The following SPOCK1 variants were observed in gnomAD, a reference collection of about 807,000 sequenced individuals.
The protein encoded by SPOCK1 is SPARC (osteonectin), cwcv and kazal like domains proteoglycan 1.
Under a neutral mutation model 55.3 loss-of-function variants are expected in SPOCK1, and 23 were observed. That is an observed-to-expected ratio of 0.42 (90% CI 0.30 to 0.59). SPOCK1 has a LOEUF of 0.59. SPOCK1 is among the 20% of genes least tolerant of loss of function. The pLI is 0.22. For missense variants in SPOCK1, 499 were observed against 552.5 expected (o/e 0.90, Z 0.97); for synonymous variants, 226 against 221.0 (o/e 1.02, Z -0.20).
intron 7 of SPOCK1, 113 bp from the exon 8 acceptor site, chr5:136,988,756 G>A (rs528795334): frequency 2.2e-6 from 2 of 891,482 alleles, no homozygotes; most frequent in South Asian, 2.1e-5. Context: ...CTCCCTTCCT[G>A]AGGCTGTTTC....
chr5:137,105,879 T>A (rs1256013257), intron 5 of SPOCK1, among the ~76,000 whole-genome samples: 1 of 151,178 alleles, frequency 6.6e-6, no homozygotes, highest in African/African-American at 2.4e-5. Flanking sequence ...GGGAGGGGAG[T>A]GACAGCAGAC....
At chr5:137,363,530 C>T (rs1023519355) in intron 2 of SPOCK1, among the ~76,000 whole-genome samples, 1 of 152,182 alleles carries the variant, frequency 6.6e-6, no homozygotes, top group African/African-American at 2.4e-5. Flanking sequence ...AGCTCTGCAT[C>T]ACCTTGGGTA....
At chr5:137,262,437 C>G (rs1473819871) in intron 3 of SPOCK1, among the ~76,000 whole-genome samples, 2 of 152,282 alleles carry the variant, frequency 1.3e-5, no homozygotes, top group Non-Finnish European at 2.9e-5. Context: ...TGTATAAACA[C>G]TTGACATATT....
At chr5:137,306,276 T>C (rs1373930497) in intron 2 of SPOCK1, among the ~76,000 whole-genome samples, 1 of 152,152 alleles carries the variant, frequency 6.6e-6, no homozygotes, top group African/African-American at 2.4e-5. Context: ...AAAACCACCA[T>C]GGGGGTTTGG....
At chr5:137,074,176 A>G (rs185157592) in intron 5 of SPOCK1, among the ~76,000 whole-genome samples, 6 of 152,340 alleles carry the variant, frequency 3.9e-5, no homozygotes. Flanking sequence ...AATCATTTCT[A>G]ATTAAAATAA....
Position 136,990,425 on chromosome 5 carries a change from TAAA to T in SPOCK1, c.707-1785_707-1783del, listed in dbSNP as rs61532412. On this transcript the variant is annotated intron_variant, in intron 7 of 10. Coordinates refer to ENST00000394945, the MANE Select transcript of SPOCK1 (RefSeq NM_004598.4). ...GCATGACAGGAATATAGTGCTCAAT[TAAA>T]AAAAAAAAAAAATGTTGGGAGACGT... Among the ~76,000 whole-genome samples the T allele has an allele frequency of 9.8e-3, 1,388 of 141,966 alleles. 17 individuals carry two copies. Among genetic ancestry groups the T allele is most frequent in the African/African-American group, 0.034 (1,325 of 38,924 alleles). The allele number at this position is 141,966 out of a possible 152,430, so 93.1% of individuals were successfully genotyped here.
chr5:137,268,047 A>C (rs1220401010), intron 2 of SPOCK1, among the ~76,000 whole-genome samples: 1 of 152,232 alleles, frequency 6.6e-6, no homozygotes, highest in Non-Finnish European at 1.5e-5. Context: ...TCTTCTGGTA[A>C]AGCTAATTTA....
intron 5 of SPOCK1, among the ~76,000 whole-genome samples, chr5:137,100,080 C>T (rs1216775305): frequency 6.6e-6 from 1 of 152,090 alleles, no homozygotes; most frequent in African/African-American, 2.4e-5. Context: ...GCTGGATTTC[C>T]ACGTGTACAA....
chr5:137,475,163 T>G (rs2149840629), intron 2 of SPOCK1, among the ~76,000 whole-genome samples: 1 of 152,320 alleles, frequency 6.6e-6, no homozygotes, highest in East Asian at 1.9e-4. Context: ...ATCACTGCTG[T>G]GATCTTCCTG....
chr5:137,187,759 T>C (rs964769762), intron 3 of SPOCK1, among the ~76,000 whole-genome samples: 4 of 152,238 alleles, frequency 2.6e-5, no homozygotes, highest in African/African-American at 4.8e-5. Flanking sequence ...AATCTGTGTA[T>C]AGTTATGTGG....
intron 2 of SPOCK1, among the ~76,000 whole-genome samples, chr5:137,439,460 C>T (rs571078138): frequency 1.3e-5 from 2 of 152,164 alleles, no homozygotes; most frequent in Non-Finnish European, 2.9e-5. Context: ...TAATAGATTC[C>T]TCCAGAGGTA....
chr5:137,480,302 T>TTC (rs1298664522), intron 2 of SPOCK1, among the ~76,000 whole-genome samples: 9 of 73,362 alleles, frequency 1.2e-4, no homozygotes, highest in Middle Eastern at 7.7e-3. Flanking sequence ...GTTGCTCTCC[T>TTC]TCACACACAC....
intron 2 of SPOCK1, among the ~76,000 whole-genome samples, chr5:137,423,855 C>T (rs1190725375): frequency 6.6e-6 from 1 of 152,234 alleles, no homozygotes; most frequent in African/African-American, 2.4e-5. Context: ...ATGCAGAAAT[C>T]ACCTGTCTTC....
intron 2 of SPOCK1, among the ~76,000 whole-genome samples, chr5:137,393,944 G>GT (rs1280629954): frequency 7.0e-4 from 106 of 150,978 alleles, no homozygotes; most frequent in African/African-American, 2.2e-3. Context: ...ATGTTTTAGG[G>GT]TTTTTTTTTC....
intron 2 of SPOCK1, among the ~76,000 whole-genome samples, chr5:137,434,113 A>C (rs1398453075): frequency 6.6e-6 from 1 of 152,244 alleles, no homozygotes; most frequent in Non-Finnish European, 1.5e-5. Context: ...AATTAAACAG[A>C]TCCACCAAAA....
At chr5:137,320,486 G>C (rs1243151075) in intron 2 of SPOCK1, among the ~76,000 whole-genome samples, 1 of 152,264 alleles carries the variant, frequency 6.6e-6, no homozygotes, top group Non-Finnish European at 1.5e-5. Flanking sequence ...AGGGCTGCTA[G>C]AAGGAGTGGT....
intron 5 of SPOCK1, among the ~76,000 whole-genome samples, chr5:137,100,950 A>T (rs1225075321): frequency 6.6e-6 from 1 of 152,150 alleles, no homozygotes; most frequent in African/African-American, 2.4e-5. Flanking sequence ...ATACACAATT[A>T]TGGCAACAAC....
At position 137,200,468 on chromosome 5, in the gene SPOCK1, A is replaced by C. The variant is rs191442655; in HGVS notation, c.233-59774T>G. ...ACCAGACTCTGTGTTTTACTGATTT[A>C]GCCTGATTGCTGGCTGTCTCCCTCA... On this transcript the variant is annotated intron_variant, in intron 3 of 10. Transcript: ENST00000394945. Among the ~76,000 whole-genome samples the C allele has an allele frequency of 9.1e-4, 139 of 152,296 alleles. 1 individual carries two copies. The South Asian group carries it at 0.012, about 13-fold the overall frequency.
At chr5:137,429,463 G>A (rs1752699693) in intron 2 of SPOCK1, among the ~76,000 whole-genome samples, 1 of 152,052 alleles carries the variant, frequency 6.6e-6, no homozygotes, top group Admixed American at 6.6e-5. Context: ...TTTGTTTAAT[G>A]GCTGTCACAT....
Sources: allele counts gnomAD v4.1 joint callset (sites outside exome capture counted in the v4.1 genomes callset), GRCh38; gene constraint gnomAD v4.1.1; transcripts MANE v1.5; gene names NCBI Gene and HGNC (gene_info 2026-07-23, HGNC 2026-07-21).